Variants in SV2B observed in about 807,000 individuals in gnomAD.
The protein encoded by SV2B is synaptic vesicle glycoprotein 2B, also known as solute carrier family 22 member B2.
In SV2B, 41 loss-of-function variants were observed where a neutral mutation model predicts 73.9. The observed-to-expected ratio is 0.56, with a 90% CI of 0.43 to 0.72. SV2B has a LOEUF of 0.72. SV2B is among the 30% of genes least tolerant of loss of function. The probability of loss-of-function intolerance (pLI) is 0.00; values close to 1 mark genes in which losing one functional copy is unlikely to be tolerated. For synonymous variants in SV2B, 314 were observed against 314.2 expected (o/e 1.00, Z 0.01); for missense variants, 764 against 857.8 (o/e 0.89, Z 1.37).
intron 1 of SV2B, among the ~76,000 whole-genome samples, chr15:91,177,313 A>C (rs2044352186): frequency 6.6e-6 from 1 of 151,784 alleles, no homozygotes; most frequent in South Asian, 2.1e-4. Context: ...TATAGTTTGA[A>C]GTCAGGGAGC....
intron 1 of SV2B, among the ~76,000 whole-genome samples, chr15:91,161,239 G>A (rs1194509997): frequency 6.6e-6 from 1 of 151,998 alleles, no homozygotes. Context: ...TTGTATAACT[G>A]TATAAATTTA....
At chr15:91,202,568 AC>A (rs2045498026) in intron 1 of SV2B, among the ~76,000 whole-genome samples, 1 of 152,206 alleles carries the variant, frequency 6.6e-6, no homozygotes, top group Non-Finnish European at 1.5e-5. Flanking sequence ...AAGAGTAAAT[AC>A]CTATAAAAAG....
Position 91,197,932 on chromosome 15 carries a change from G to A in SV2B, c.-391-27941G>A, listed in dbSNP as rs149053118. Among the ~76,000 whole-genome samples, 4,862 of 152,212 alleles carry A rather than the reference G, an allele frequency of 0.032. 94 individuals are homozygous for A. Among genetic ancestry groups the A allele is most frequent in the Non-Finnish European group, 0.038 (2,568 of 67,998 alleles). On this transcript the variant is annotated intron_variant, in intron 1 of 12. Transcript: ENST00000394232. This position sits in a 1 kb window ranked among gnomAD's most constrained non-coding sequence, Gnocchi z 4.9. Reference sequence around the variant, plus strand: ...CCGTGTAATCCCAGCTACTTGGCAGGCTGAAGCAGGAGAATCTCTTGAACC... The same window carrying A: ...CCGTGTAATCCCAGCTACTTGGCAGACTGAAGCAGGAGAATCTCTTGAACC...
chr15:91,119,724 T>A (rs994758097), intron 1 of SV2B, among the ~76,000 whole-genome samples: 1 of 152,266 alleles, frequency 6.6e-6, no homozygotes, highest in African/African-American at 2.4e-5. Context: ...ACTATGCATG[T>A]GCCCCTCAAT....
chr15:91,178,477 C>T (rs972527853), intron 1 of SV2B, among the ~76,000 whole-genome samples: 19 of 152,048 alleles, frequency 1.2e-4, no homozygotes, highest in Admixed American at 1.1e-3. Context: ...GTACCAGTTC[C>T]TCCTTGCACC....
intron 1 of SV2B, among the ~76,000 whole-genome samples, chr15:91,216,008 C>T (rs1160189359): frequency 6.6e-6 from 1 of 152,104 alleles, no homozygotes; most frequent in Non-Finnish European, 1.5e-5. Context: ...AATTGTTTCT[C>T]CCACCTTGAA....
At chr15:91,248,337 A>C (rs934906800) in intron 2 of SV2B, among the ~76,000 whole-genome samples, 16 of 152,148 alleles carry the variant, frequency 1.1e-4, no homozygotes, top group African/African-American at 3.4e-4. Context: ...AACAAACAAA[A>C]AAATGCCTTG....
chr15:91,183,843 A>G (rs2044674728), intron 1 of SV2B, among the ~76,000 whole-genome samples: 1 of 152,256 alleles, frequency 6.6e-6, no homozygotes. Context: ...TGCCAAGGAC[A>G]GGATGGAACA....
chr15:91,166,263 C>T (rs146700329), intron 1 of SV2B, among the ~76,000 whole-genome samples: 258 of 152,226 alleles, frequency 1.7e-3, no homozygotes, highest in Non-Finnish European at 2.9e-3. Flanking sequence ...AGCATCTGAT[C>T]TTGTCAGATG....
chr15:91,191,594 GA>G (rs2045033677), intron 1 of SV2B, among the ~76,000 whole-genome samples: 1 of 152,078 alleles, frequency 6.6e-6, no homozygotes, highest in Non-Finnish European at 1.5e-5. Context: ...GCTGCTTTTG[GA>G]GTTGAACTCA....
In SV2B at chr15:91,232,215, A is replaced by G. The variant is rs564882734; in HGVS notation, c.451+5501A>G. Among the ~76,000 whole-genome samples, 99 of 152,286 alleles carry G rather than the reference A, an allele frequency of 6.5e-4. No homozygotes were observed. The highest frequency in any genetic ancestry group is 6.0e-4 in the Non-Finnish European group (41 of 68,030). On this transcript the variant is annotated intron_variant, in intron 2 of 12. Transcript: ENST00000394232. This position sits in a 1 kb window ranked among gnomAD's most constrained non-coding sequence, Gnocchi z 4.7. ...CCAAGTATTTACCTACTTACTCATG[A>G]TGGTGAAATCCACCACTGGGAATGT...
chr15:91,138,504 G>C (rs146269985), intron 1 of SV2B, among the ~76,000 whole-genome samples: 106 of 152,232 alleles, frequency 7.0e-4, no homozygotes, highest in African/African-American at 2.5e-3. Context: ...CATTCTATGA[G>C]AACTATAGTT....
At chr15:91,156,824 T>G (rs1216048501) in intron 1 of SV2B, among the ~76,000 whole-genome samples, 1 of 152,238 alleles carries the variant, frequency 6.6e-6, no homozygotes, top group African/African-American at 2.4e-5. Flanking sequence ...CCCATTGTTC[T>G]CAGGCATAAA....
rs1264213928 is a variant in SV2B at position 91,106,278 on chromosome 15, G to T, written c.-392+5915G>T. 6.6e-6 allele frequency among the ~76,000 whole-genome samples: 1 copy of T among 152,194 alleles called. No individual in the cohort carries two copies. The highest frequency in any genetic ancestry group is 1.9e-4 in the East Asian group (1 of 5,202). The stretch of plus-strand genomic sequence containing the variant: ...GTAGTTCATTGCATATGAGAGTCTA[G>T]AGTTCAGGGAAGAGTTTCAGGAAGG... On this transcript the variant is annotated intron_variant, in intron 1 of 12. Coordinates refer to ENST00000394232, the MANE Select transcript of SV2B (RefSeq NM_001323032.3). This position sits in a 1 kb window ranked among gnomAD's most constrained non-coding sequence, Gnocchi z 4.4.
intron 1 of SV2B, among the ~76,000 whole-genome samples, chr15:91,117,682 C>G (rs574892292): frequency 3.3e-5 from 5 of 152,310 alleles, no homozygotes; most frequent in Non-Finnish European, 7.3e-5. Context: ...ATCATGTTTG[C>G]TAGCATTTCA....
chr15:91,241,103 T>C lies in SV2B; in HGVS notation c.452-10716T>C, dbSNP rs1454625980. Reference sequence around the variant, plus strand: ...CACATTCCAACCATCTCTCTATTATTGTCCTTGGAGATTTTAATAAGTGAT... The same window carrying C: ...CACATTCCAACCATCTCTCTATTATCGTCCTTGGAGATTTTAATAAGTGAT... On this transcript the variant is annotated intron_variant, in intron 2 of 12. Transcript: ENST00000394232. The surrounding 1 kb of genome is among the most constrained non-coding windows in gnomAD (Gnocchi z 4.8). Among the ~76,000 whole-genome samples, 1 of 152,228 alleles carries C rather than the reference T, an allele frequency of 6.6e-6. No individual in the cohort carries two copies. Among genetic ancestry groups the C allele is most frequent in the Non-Finnish European group, 1.5e-5 (1 of 68,034 alleles).
In SV2B at chr15:91,226,679, A is replaced by G; in HGVS notation, c.416A>G (p.Asp139Gly). Residue 139 changes from aspartate to glycine, a missense_variant, in exon 2 of 13, where the codon GAC becomes GGC. By Grantham distance (94) the Asp-to-Gly change is moderately conservative (BLOSUM62 -1). Coordinates refer to ENST00000394232, the MANE Select transcript of SV2B (RefSeq NM_001323032.3). ...VSFALPSAEK[D>G]MCLSSSKKGM... ...TTTGCCCTGCCCAGTGCAGAGAAGG[A>G]CATGTGTCTGTCCAGTTCCAAAAAA... 6.2e-7 allele frequency: 1 copy of G among 1,612,660 alleles called. No homozygotes were observed. Among genetic ancestry groups the G allele is most frequent in the Non-Finnish European group, 8.5e-7 (1 of 1,179,980 alleles).
Position 91,258,412 on chromosome 15 carries a change from C to T in SV2B, c.785-9C>T. On this transcript the variant is annotated splice_polypyrimidine_tract_variant and intron_variant, in intron 4 of 12. Transcript: ENST00000394232. The surrounding 1 kb of genome is among the most constrained non-coding windows in gnomAD (Gnocchi z 4.7). ...CCCAGAAATCCTTTGACTGACTGCT[C>T]CTTTGCAGGCTGGGGCTTCAGCATG... 1 of 1,613,848 alleles carries T rather than the reference C, an allele frequency of 6.2e-7. No homozygotes were observed. The highest frequency in any genetic ancestry group is 8.5e-7 in the Non-Finnish European group (1 of 1,179,858).
intron 1 of SV2B, among the ~76,000 whole-genome samples, chr15:91,189,121 C>T (rs928967574): frequency 2.6e-5 from 4 of 152,010 alleles, no homozygotes; most frequent in South Asian, 2.1e-4. Context: ...CACGGCTGTA[C>T]GTCCTATTTT....
Sources: gnomAD v4.1 joint callset for allele counts (sites outside exome capture counted in the v4.1 genomes callset) on GRCh38, gnomAD v4.1.1 for gene constraint, Gnocchi (gnomAD v3.1) non-coding constraint, MANE v1.5 for transcripts, NCBI Gene and HGNC (gene_info 2026-07-23, HGNC 2026-07-21) for gene names.